The following SMYD3 variants were observed in gnomAD, a reference collection of about 807,000 sequenced individuals.
The protein encoded by SMYD3 is histone-lysine N-methyltransferase SMYD3.
Under a neutral mutation model 57.7 loss-of-function variants are expected in SMYD3, and 36 were observed. The ratio of observed to expected loss-of-function variants is 0.62; its 90% CI spans 0.48 to 0.82. SMYD3 has a LOEUF of 0.82. SMYD3 is among the 40% of genes least tolerant of loss of function. The pLI is 0.00. For synonymous variants in SMYD3, 211 were observed against 195.0 expected (o/e 1.08, Z -0.68); for missense variants, 515 against 538.8 (o/e 0.96, Z 0.44).
chr1:246,108,363 G>A (rs993909542), intron 5 of SMYD3, among the ~76,000 whole-genome samples: 3 of 152,114 alleles, frequency 2.0e-5, no homozygotes, highest in Non-Finnish European at 2.9e-5. Context: ...TATGAATACA[G>A]GTATCACATC....
intron 5 of SMYD3, among the ~76,000 whole-genome samples, chr1:246,232,364 G>C (rs1219822621): frequency 1.3e-5 from 2 of 152,340 alleles, no homozygotes; most frequent in South Asian, 2.1e-4. Context: ...GCTGGATGCA[G>C]TGTGAATTTC....
chr1:246,107,347 AAAAC>A (rs1482461988), intron 5 of SMYD3, among the ~76,000 whole-genome samples: 1 of 152,214 alleles, frequency 6.6e-6, no homozygotes, highest in African/African-American at 2.4e-5. Flanking sequence ...CTTTCTTTAG[AAAAC>A]AAACAGAAAA....
chr1:245,904,431 C>T (rs868418116), intron 8 of SMYD3, among the ~76,000 whole-genome samples: 2 of 152,194 alleles, frequency 1.3e-5, no homozygotes, highest in Non-Finnish European at 2.9e-5. Flanking sequence ...AAAACAGACT[C>T]ATACAAGGAA....
chr1:246,494,729 G>A (rs2068329452), intron 1 of SMYD3, among the ~76,000 whole-genome samples: 1 of 152,070 alleles, frequency 6.6e-6, no homozygotes, highest in African/African-American at 2.4e-5. Flanking sequence ...TGCTAACAAG[G>A]ATTAAATTTT....
At chr1:245,920,593 C>A (rs564460533) in intron 7 of SMYD3, among the ~76,000 whole-genome samples, 17 of 152,308 alleles carry the variant, frequency 1.1e-4, no homozygotes, top group Admixed American at 1.0e-3. Context: ...AGCTCCCCGA[C>A]TTCAGGCTAC....
intron 1 of SMYD3, among the ~76,000 whole-genome samples, chr1:246,367,400 T>C (rs970120749): frequency 1.3e-5 from 2 of 152,334 alleles, no homozygotes; most frequent in African/African-American, 4.8e-5. Context: ...ACAGAAATTG[T>C]GCATATTTTA....
chr1:245,924,369 G>A (rs1018668181), intron 7 of SMYD3, among the ~76,000 whole-genome samples: 1 of 152,080 alleles, frequency 6.6e-6, no homozygotes, highest in African/African-American at 2.4e-5. Flanking sequence ...ACAATGGAGA[G>A]CCTTAAATAG....
intron 10 of SMYD3, among the ~76,000 whole-genome samples, chr1:245,848,508 G>A (rs572666903): frequency 4.6e-5 from 7 of 152,076 alleles, no homozygotes; most frequent in South Asian, 2.1e-4. Flanking sequence ...TCCTGGGCTC[G>A]AGGGATCCTC....
intron 5 of SMYD3, among the ~76,000 whole-genome samples, chr1:246,030,576 A>G (rs2059653453): frequency 6.6e-6 from 1 of 152,176 alleles, no homozygotes; most frequent in African/African-American, 2.4e-5. Context: ...TTCACAACAC[A>G]AATAAATATT....
chr1:245,923,769 T>C (rs1338701739), intron 7 of SMYD3, among the ~76,000 whole-genome samples: 1 of 152,194 alleles, frequency 6.6e-6, no homozygotes, highest in Non-Finnish European at 1.5e-5. Flanking sequence ...CCACTGTGCA[T>C]CTTAATTCTA....
intron 5 of SMYD3, among the ~76,000 whole-genome samples, chr1:245,937,043 CTCTT>C (rs2057015568): frequency 6.6e-6 from 1 of 152,164 alleles, no homozygotes; most frequent in Non-Finnish European, 1.5e-5. Flanking sequence ...TTTAAGAAAA[CTCTT>C]TATCCCACCA....
chr1:245,757,159 C>G (rs1286493748), intron 11 of SMYD3, among the ~76,000 whole-genome samples: 1 of 152,074 alleles, frequency 6.6e-6, no homozygotes, highest in Non-Finnish European at 1.5e-5. Flanking sequence ...TCCCTTCACA[C>G]TCTGGTAACC....
rs983506088 is a variant in SMYD3 at position 246,497,440 on chromosome 1, T to TA, written c.164+9613dup. ...CACTCAGAGACAGTGTTTTAGTGGC[T>TA]AAAAAATAAGTTGCCTTTCTGAAAA... On this transcript the variant is annotated intron_variant, in intron 1 of 11. Coordinates refer to ENST00000490107, the MANE Select transcript of SMYD3 (RefSeq NM_001167740.2). Among the ~76,000 whole-genome samples, 7 of 152,298 alleles carry TA rather than the reference T, an allele frequency of 4.6e-5. No homozygotes were observed. The South Asian group carries it at 8.3e-4, about 18-fold the overall frequency.
chr1:246,189,416 G>A (rs1041318668), intron 5 of SMYD3, among the ~76,000 whole-genome samples: 1 of 152,200 alleles, frequency 6.6e-6, no homozygotes, highest in Admixed American at 6.5e-5. Flanking sequence ...GAGCATGACT[G>A]ACTGGATGAA....
chr1:246,259,707 A>C (rs904065658), intron 5 of SMYD3, among the ~76,000 whole-genome samples: 3 of 152,178 alleles, frequency 2.0e-5, no homozygotes, highest in African/African-American at 7.2e-5. Context: ...TAGTGGTCTG[A>C]GCTCCCTGCT....
intron 5 of SMYD3, among the ~76,000 whole-genome samples, chr1:246,171,404 G>C (rs1487608609): frequency 6.6e-6 from 1 of 152,086 alleles, no homozygotes; most frequent in Non-Finnish European, 1.5e-5. Flanking sequence ...GAGGGATGGG[G>C]GTAGGGAGTG....
At chr1:246,297,111 C>T (rs538411462) in intron 5 of SMYD3, among the ~76,000 whole-genome samples, 15 of 151,810 alleles carry the variant, frequency 9.9e-5, no homozygotes, top group Non-Finnish European at 2.2e-4. Flanking sequence ...GACACAGAGA[C>T]AAAAATTTAC....
intron 5 of SMYD3, among the ~76,000 whole-genome samples, chr1:246,103,781 A>G (rs1013136899): frequency 4.6e-5 from 7 of 152,090 alleles, no homozygotes; most frequent in African/African-American, 1.7e-4. Flanking sequence ...GCTTCATTCT[A>G]CCTTTCTAAC....
At chr1:246,258,763 C>T (rs753787320) in intron 5 of SMYD3, among the ~76,000 whole-genome samples, 6 of 152,156 alleles carry the variant, frequency 3.9e-5, no homozygotes, top group Non-Finnish European at 8.8e-5. Flanking sequence ...GGATGTCTAC[C>T]TCTCTAGCAA....
Sources: gnomAD v4.1 joint callset for allele counts (sites outside exome capture counted in the v4.1 genomes callset) on GRCh38, gnomAD v4.1.1 for gene constraint, MANE v1.5 for transcripts, NCBI Gene and HGNC (gene_info 2026-07-23, HGNC 2026-07-21) for gene names.